CSMD1: variants seen among roughly 807,000 people sequenced by gnomAD.
The protein encoded by CSMD1 is CUB and Sushi multiple domains 1, also known as CUB and sushi domain-containing protein 1.
A neutral mutation model predicts 417.5 loss-of-function variants in CSMD1; 213 were observed. That is an observed-to-expected ratio of 0.51 (90% CI 0.46 to 0.57). CSMD1 has a LOEUF of 0.57. CSMD1 is among the 20% of genes least tolerant of loss of function. CSMD1 has a pLI of 0.00. For synonymous variants in CSMD1, 2,862 were observed against 1,736.8 expected, an observed-to-expected ratio of 1.65 and a Z score of -16.11; for missense variants, 6,923 against 4,529.7, an observed-to-expected ratio of 1.53 and a Z score of -15.17.
chr8:4,107,454 C>T (rs1801626570), intron 3 of CSMD1, among the ~76,000 whole-genome samples: 1 of 152,158 alleles, frequency 6.6e-6, no homozygotes. Context: ...TTGTTTAAAG[C>T]ACTGGATAAT....
chr8:3,413,310 G>C (rs1283520112), intron 12 of CSMD1, among the ~76,000 whole-genome samples: 1 of 152,122 alleles, frequency 6.6e-6, no homozygotes, highest in African/African-American at 2.4e-5. Context: ...CTACTGTGCA[G>C]AGGTTTCAGA....
chr8:3,573,712 T>A (rs1585392060), intron 10 of CSMD1, among the ~76,000 whole-genome samples: 1 of 152,190 alleles, frequency 6.6e-6, no homozygotes, highest in Non-Finnish European at 1.5e-5. Context: ...ATAAGATGGA[T>A]ATTTTGACAA....
chr8:4,005,292 A>G (rs1343113379), intron 4 of CSMD1, among the ~76,000 whole-genome samples: 1 of 152,200 alleles, frequency 6.6e-6, no homozygotes, highest in African/African-American at 2.4e-5. Context: ...AGAAAATAAA[A>G]TAAAATAATA....
At chr8:4,446,651 T>G (rs1798807944) in intron 2 of CSMD1, among the ~76,000 whole-genome samples, 1 of 152,264 alleles carries the variant, frequency 6.6e-6, no homozygotes, top group South Asian at 2.1e-4. Context: ...CCTCCTAGAT[T>G]TGAGCCATTC....
chr8:3,777,121 TACAC>T (rs3028584), intron 5 of CSMD1, among the ~76,000 whole-genome samples: 10,597 of 146,432 alleles, frequency 0.072, 393 homozygotes, highest in Middle Eastern at 0.11. Context: ...TATCTATACC[TACAC>T]ACACACACAC....
chr8:3,025,889 TAAC>T (rs1809833939), intron 51 of CSMD1, among the ~76,000 whole-genome samples: 1 of 152,212 alleles, frequency 6.6e-6, no homozygotes, highest in Admixed American at 6.5e-5. Context: ...GTAAATAAAT[TAAC>T]AAATCAATAT....
intron 10 of CSMD1, among the ~76,000 whole-genome samples, chr8:3,503,467 G>C (rs1796691607): frequency 6.6e-6 from 1 of 152,232 alleles, no homozygotes; most frequent in Non-Finnish European, 1.5e-5. Context: ...AAACACAGCA[G>C]TCTTGGGACG....
intron 10 of CSMD1, among the ~76,000 whole-genome samples, chr8:3,539,923 T>C (rs935768426): frequency 6.6e-6 from 1 of 152,200 alleles, no homozygotes; most frequent in African/African-American, 2.4e-5. Context: ...GCTTCATGGA[T>C]AGACCATAAC....
intron 7 of CSMD1, among the ~76,000 whole-genome samples, chr8:3,632,445 A>G (rs974319250): frequency 1.3e-5 from 2 of 152,094 alleles, no homozygotes; most frequent in African/African-American, 2.4e-5. Context: ...TTTTAATGAG[A>G]AAAACACCAA....
Position 3,662,810 on chromosome 8 carries a change from G to T in CSMD1, c.1009+45604C>A, listed in dbSNP as rs568980495. Among the ~76,000 whole-genome samples, 8 of 152,092 alleles carry T rather than the reference G, an allele frequency of 5.3e-5. No homozygotes were observed. In the South Asian group the frequency reaches 1.5e-3, roughly 28 times the overall value. ...CAATGAGAACACATGGACACAGGGA[G>T]GGGAACATCACACACCAGGGCCTGT... On this transcript the variant is annotated intron_variant, in intron 7 of 69. Transcript: ENST00000635120.
chr8:4,414,803 A>T (rs1585039020), intron 3 of CSMD1, among the ~76,000 whole-genome samples: 1 of 152,180 alleles, frequency 6.6e-6, no homozygotes, highest in Admixed American at 6.6e-5. Flanking sequence ...TCAAGGATTC[A>T]AATTTTCCTT....
chr8:3,490,933 G>T (rs986420256), intron 11 of CSMD1, among the ~76,000 whole-genome samples: 2 of 152,078 alleles, frequency 1.3e-5, no homozygotes, highest in African/African-American at 4.8e-5. Flanking sequence ...CAAGGGTGCA[G>T]AAAAATAGGA....
chr8:4,299,880 C>G (rs1354177111), intron 3 of CSMD1, among the ~76,000 whole-genome samples: 1 of 152,176 alleles, frequency 6.6e-6, no homozygotes, highest in Non-Finnish European at 1.5e-5. Context: ...CTGCCCACCT[C>G]AGCCTCCCAA....
At chr8:3,439,122 C>CAAAAAAAAAAAAAAAAAAAAAAAA (rs1158997352) in intron 12 of CSMD1, among the ~76,000 whole-genome samples, 1 of 2,492 alleles carries the variant, frequency 4.0e-4, no homozygotes, top group African/African-American at 2.4e-3. Context: ...GACTCCATCT[C>CAAAAAAAAAAAAAAAAAAAAAAAA]AAAAAAAAAA....
At chr8:4,006,421 G>A (rs966438828) in intron 4 of CSMD1, among the ~76,000 whole-genome samples, 10 of 152,202 alleles carry the variant, frequency 6.6e-5, no homozygotes, top group Non-Finnish European at 7.3e-5. Context: ...GTCCATGCCT[G>A]TAATTCCAGC....
intron 41 of CSMD1, among the ~76,000 whole-genome samples, chr8:3,131,753 T>C (rs2129026831): frequency 6.6e-6 from 1 of 152,322 alleles, no homozygotes; most frequent in South Asian, 2.1e-4. Context: ...ATTACAAGCA[T>C]GAGCCACTGT....
intron 65 of CSMD1, among the ~76,000 whole-genome samples, chr8:2,953,145 T>C (rs1802750806): frequency 6.6e-6 from 1 of 152,080 alleles, no homozygotes; most frequent in Admixed American, 6.6e-5. Context: ...AAAAAGAGGC[T>C]GTGTTTTGTT....
intron 8 of CSMD1, among the ~76,000 whole-genome samples, chr8:3,588,783 T>C (rs113257258): frequency 9.9e-4 from 149 of 150,910 alleles, no homozygotes; most frequent in African/African-American, 3.5e-3. Context: ...ACAAACAGAG[T>C]GAAGAGACAC....
chr8:4,483,780 T>C (rs116704776), intron 2 of CSMD1, among the ~76,000 whole-genome samples: 1 of 152,232 alleles, frequency 6.6e-6, no homozygotes, highest in Non-Finnish European at 1.5e-5. Flanking sequence ...TGGTTTACCA[T>C]TTAAAATTTT....
Sources: allele counts gnomAD v4.1 joint callset (sites outside exome capture counted in the v4.1 genomes callset), GRCh38; gene constraint gnomAD v4.1.1; transcripts MANE v1.5; gene names NCBI Gene and HGNC (gene_info 2026-07-23, HGNC 2026-07-21).